Variants in PSD3 observed in about 807,000 individuals in gnomAD.
PSD3 encodes the protein PH and SEC7 domain-containing protein 3.
In PSD3, 49 loss-of-function variants were observed where a neutral mutation model predicts 105.5. That is an observed-to-expected ratio of 0.46 (90% CI 0.37 to 0.59). The LOEUF (loss-of-function observed/expected upper bound fraction) is 0.59, where lower values mean the gene tolerates loss of function less well. PSD3 is among the 20% of genes least tolerant of loss of function. PSD3 has a pLI of 0.00. For synonymous variants in PSD3, 557 were observed against 457.8 expected, an observed-to-expected ratio of 1.22 and a Z score of -2.77; for missense variants, 1,561 against 1,263.8, an observed-to-expected ratio of 1.24 and a Z score of -3.57.
chr8:19,080,413 A>G (rs543550071), intron 1 of PSD3, among the ~76,000 whole-genome samples: 19 of 152,342 alleles, frequency 1.2e-4, no homozygotes, highest in Non-Finnish European at 2.2e-4. Flanking sequence ...TTCTACCCAA[A>G]AGGTAATGTA....
chr8:18,594,251 TTA>T (rs1563358711), intron 12 of PSD3, among the ~76,000 whole-genome samples: 1 of 17,988 alleles, frequency 5.6e-5, no homozygotes, highest in Non-Finnish European at 1.0e-4. Context: ...ATTATATATA[TTA>T]TATAATATAT....
At chr8:19,030,519 T>C (rs1385995206) in intron 1 of PSD3, among the ~76,000 whole-genome samples, 2 of 152,100 alleles carry the variant, frequency 1.3e-5, no homozygotes, top group Non-Finnish European at 2.9e-5. Context: ...TACTTAAAAG[T>C]GTGTGGCACC....
At chr8:18,649,422 T>C (rs1250096881) in intron 10 of PSD3, among the ~76,000 whole-genome samples, 1 of 152,212 alleles carries the variant, frequency 6.6e-6, no homozygotes, top group Non-Finnish European at 1.5e-5. Flanking sequence ...TTCTTTTGGC[T>C]GCTTTCTTCC....
rs1412433655 is a variant in PSD3 at position 18,916,331 on chromosome 8, TATATATATATATA to T, written c.130+19690_130+19702del. ...ATATATATATATATATATATATATA[TATATATATATATA>T]TATATACACACACACACACACACAC... On this transcript the variant is annotated intron_variant, in intron 2 of 15. Coordinates refer to ENST00000327040, the MANE Select transcript of PSD3 (RefSeq NM_015310.4). Among the ~76,000 whole-genome samples, 151 of 51,484 alleles carry T rather than the reference TATATATATATATA, an allele frequency of 2.9e-3. 1 individual carries two copies. The highest frequency in any genetic ancestry group is 4.2e-3 in the Non-Finnish European group (117 of 28,056). The allele number at this position is 51,484 out of a possible 152,430, so 33.8% of individuals were successfully genotyped here.
chr8:18,677,839 T>C (rs1298541646), intron 9 of PSD3, among the ~76,000 whole-genome samples: 2 of 151,862 alleles, frequency 1.3e-5, no homozygotes, highest in African/African-American at 4.8e-5. Flanking sequence ...TGAAACCCCA[T>C]CTCTACTAAA....
chr8:18,807,385 C>T (rs758485402), intron 4 of PSD3, among the ~76,000 whole-genome samples: 8 of 152,140 alleles, frequency 5.3e-5, no homozygotes, highest in African/African-American at 1.4e-4. Flanking sequence ...TATCGGCAAG[C>T]ACCTGACATC....
chr8:18,649,700 G>A (rs543857599), intron 10 of PSD3, among the ~76,000 whole-genome samples: 1 of 152,200 alleles, frequency 6.6e-6, no homozygotes, highest in Admixed American at 6.5e-5. Flanking sequence ...ATCTAATGTT[G>A]AATTGTAATC....
At chr8:18,752,573 A>AT (rs1805651068) in intron 9 of PSD3, among the ~76,000 whole-genome samples, 2 of 57,434 alleles carry the variant, frequency 3.5e-5, no homozygotes, top group African/African-American at 1.9e-4. Flanking sequence ...TATTATATAT[A>AT]TAATTATATA....
intron 1 of PSD3, among the ~76,000 whole-genome samples, chr8:18,979,024 T>C (rs1428531314): frequency 6.6e-6 from 1 of 152,198 alleles, no homozygotes; most frequent in Non-Finnish European, 1.5e-5. Flanking sequence ...ATGACCTCAC[T>C]ATAATCCCTT....
At chr8:18,690,547 C>T (rs1800917181) in intron 9 of PSD3, among the ~76,000 whole-genome samples, 1 of 152,180 alleles carries the variant, frequency 6.6e-6, no homozygotes, top group Admixed American at 6.5e-5. Flanking sequence ...ACTCTACACC[C>T]CAGGACAGGA....
intron 12 of PSD3, among the ~76,000 whole-genome samples, chr8:18,598,759 C>T (rs1297226174): frequency 6.6e-6 from 1 of 151,948 alleles, no homozygotes; most frequent in East Asian, 1.9e-4. Context: ...AATGAACAAT[C>T]TGAAAAGGAA....
At chr8:18,983,704 C>T (rs542450531) in intron 1 of PSD3, among the ~76,000 whole-genome samples, 1 of 151,998 alleles carries the variant, frequency 6.6e-6, no homozygotes. Context: ...ACAAGAGTAA[C>T]ATCAAAAATC....
chr8:18,652,118 G>A (rs376813546), intron 10 of PSD3, among the ~76,000 whole-genome samples: 13 of 152,134 alleles, frequency 8.5e-5, no homozygotes, highest in Non-Finnish European at 1.3e-4. Context: ...AGCCGGAAAC[G>A]CTGGTGTCAT....
chr8:18,545,921 T>C (rs1290535978), intron 15 of PSD3, among the ~76,000 whole-genome samples: 1 of 152,202 alleles, frequency 6.6e-6, no homozygotes, highest in Non-Finnish European at 1.5e-5. Context: ...GGAACTATGA[T>C]CTAAACTACC....
rs373361743 is a variant in PSD3 at position 18,671,834 on chromosome 8, T to C, written c.2173-16149A>G. On this transcript the variant is annotated intron_variant, in intron 9 of 15. Coordinates refer to ENST00000327040, the MANE Select transcript of PSD3 (RefSeq NM_015310.4). ...TTTTAGTAGAGATGGGGTTTCACCG[T>C]GTTAGCCAGAATGGTCTCGATCTCC... is the stretch of plus-strand genomic sequence containing the variant. Among the ~76,000 whole-genome samples the C allele has an allele frequency of 1.0e-3, 157 of 152,238 alleles. 2 individuals are homozygous for C. Among genetic ancestry groups the C allele is most frequent in the African/African-American group, 3.5e-3 (146 of 41,534 alleles).
intron 4 of PSD3, among the ~76,000 whole-genome samples, chr8:18,853,046 A>G (rs900655477): frequency 6.6e-6 from 1 of 152,182 alleles, no homozygotes; most frequent in Non-Finnish European, 1.5e-5. Flanking sequence ...CTATGGGCCT[A>G]TGACTCCTAA....
chr8:18,791,319 C>G (rs530582436), intron 8 of PSD3, among the ~76,000 whole-genome samples: 2 of 152,186 alleles, frequency 1.3e-5, no homozygotes, highest in Admixed American at 1.3e-4. Context: ...TGCTGTCTGA[C>G]TTCAAACTGT....
intron 10 of PSD3, among the ~76,000 whole-genome samples, chr8:18,633,603 A>G (rs1807050635): frequency 1.3e-5 from 2 of 152,120 alleles, no homozygotes; most frequent in Non-Finnish European, 2.9e-5. Flanking sequence ...ACCTTTTTCT[A>G]TGGTTGCATA....
intron 9 of PSD3, among the ~76,000 whole-genome samples, chr8:18,657,036 G>C (rs1218194144): frequency 6.6e-6 from 1 of 152,132 alleles, no homozygotes; most frequent in Non-Finnish European, 1.5e-5. Flanking sequence ...AGAATGACTT[G>C]GATCAATTAG....
Sources: allele counts gnomAD v4.1 joint callset (sites outside exome capture counted in the v4.1 genomes callset), GRCh38; gene constraint gnomAD v4.1.1; transcripts MANE v1.5; gene names NCBI Gene and HGNC (gene_info 2026-07-23, HGNC 2026-07-21).